KCNK9: variants seen among roughly 807,000 people sequenced by gnomAD.
KCNK9 encodes the protein potassium channel subfamily K member 9.
In KCNK9, 1 loss-of-function variant was observed where a neutral mutation model predicts 10.8. The observed-to-expected ratio is 0.09, with a 90% CI of 0.03 to 0.44. KCNK9 has a LOEUF of 0.44. Among genes scored for constraint, KCNK9 ranks in the 20% least tolerant of loss-of-function variants. The pLI, the probability that KCNK9 is intolerant of heterozygous loss-of-function variation, is 0.97. For missense variants in KCNK9, 303 were observed against 515.0 expected, an observed-to-expected ratio of 0.59 and a Z score of 3.98; for synonymous variants, 231 against 222.7, an observed-to-expected ratio of 1.04 and a Z score of -0.33.
intron 1 of KCNK9, among the ~76,000 whole-genome samples, chr8:139,690,606 GAT>G (rs3837201): frequency 0.061 from 9,216 of 152,258 alleles, 349 homozygotes; most frequent in South Asian, 0.14. Flanking sequence ...GAGTTCTCTT[GAT>G]ATTGTCAGGT....
At chr8:139,673,163 A>T (rs976186319) in intron 1 of KCNK9, among the ~76,000 whole-genome samples, 2 of 151,864 alleles carry the variant, frequency 1.3e-5, no homozygotes, top group East Asian at 3.9e-4. Flanking sequence ...TGTGTGATAG[A>T]GACAGAAAGT....
intron 1 of KCNK9, among the ~76,000 whole-genome samples, chr8:139,643,600 C>T (rs1240129738): frequency 1.3e-5 from 2 of 152,198 alleles, no homozygotes; most frequent in Non-Finnish European, 2.9e-5. Flanking sequence ...GATGCCGGCC[C>T]TCAGCAGGGC....
chr8:139,674,247 G>A (rs897749077), intron 1 of KCNK9, among the ~76,000 whole-genome samples: 2 of 152,180 alleles, frequency 1.3e-5, no homozygotes, highest in African/African-American at 4.8e-5. Flanking sequence ...GAAGAGGAAG[G>A]CGATGACCTC....
At chr8:139,643,458 G>A (rs1359670420) in intron 1 of KCNK9, among the ~76,000 whole-genome samples, 1 of 152,236 alleles carries the variant, frequency 6.6e-6, no homozygotes, top group Non-Finnish European at 1.5e-5. Context: ...GACTCACTGG[G>A]GAAGGGGCTG....
At chr8:139,632,289 C>T (rs1401837390) in intron 1 of KCNK9, among the ~76,000 whole-genome samples, 1 of 152,190 alleles carries the variant, frequency 6.6e-6, no homozygotes, top group African/African-American at 2.4e-5. Flanking sequence ...CTGTGGGGTG[C>T]CCCAGGCCTT....
intron 1 of KCNK9, among the ~76,000 whole-genome samples, chr8:139,688,284 A>G (rs747700890): frequency 6.6e-6 from 1 of 152,350 alleles, no homozygotes; most frequent in Non-Finnish European, 1.5e-5. Flanking sequence ...TCACACTGCT[A>G]TAAAGAAATA....
chr8:139,623,190 C>T (rs569365217), intron 1 of KCNK9, among the ~76,000 whole-genome samples: 93 of 152,340 alleles, frequency 6.1e-4, no homozygotes, highest in Non-Finnish European at 1.1e-3. Flanking sequence ...CCTCTAAGCT[C>T]TTCCCAAGAG....
chr8:139,685,326 G>T (rs548939868), intron 1 of KCNK9, among the ~76,000 whole-genome samples: 2 of 151,418 alleles, frequency 1.3e-5, no homozygotes, highest in African/African-American at 4.9e-5. Context: ...GTACATGTGC[G>T]CAACGTGCAG....
chr8:139,670,286 A>G (rs941481004), intron 1 of KCNK9, among the ~76,000 whole-genome samples: 6 of 152,206 alleles, frequency 3.9e-5, no homozygotes, highest in Non-Finnish European at 7.3e-5. Flanking sequence ...TTTAATAAAT[A>G]ATGAAAAAGT....
chr8:139,666,050 G>C (rs757407225), intron 1 of KCNK9, among the ~76,000 whole-genome samples: 2 of 152,246 alleles, frequency 1.3e-5, no homozygotes, highest in Non-Finnish European at 2.9e-5. Context: ...GCTGTGTCTT[G>C]TAAGGGAAGA....
intron 1 of KCNK9, among the ~76,000 whole-genome samples, chr8:139,671,529 TA>T (rs757581314): frequency 0.23 from 30,557 of 134,316 alleles, 3,468 homozygotes; most frequent in South Asian, 0.3. Context: ...TTTTTTTTTT[TA>T]GATGGAGTCT....
intron 1 of KCNK9, among the ~76,000 whole-genome samples, chr8:139,634,145 G>T (rs921984625): frequency 1.3e-5 from 2 of 152,250 alleles, no homozygotes; most frequent in Non-Finnish European, 2.9e-5. Flanking sequence ...GAGTCAAGGA[G>T]CCCCTACTAC....
intron 1 of KCNK9, among the ~76,000 whole-genome samples, chr8:139,696,632 G>A (rs1218542625): frequency 5.3e-5 from 8 of 152,188 alleles, no homozygotes; most frequent in Non-Finnish European, 1.0e-4. Flanking sequence ...AGTACACAGA[G>A]GAGGGAGGGA....
intron 1 of KCNK9, among the ~76,000 whole-genome samples, chr8:139,662,873 A>C (rs953131233): frequency 3.2e-4 from 4 of 12,412 alleles, no homozygotes; most frequent in African/African-American, 1.1e-3. Flanking sequence ...GGGTGGGGGA[A>C]GGGGGGGGGG....
chr8:139,691,071 C>T (rs1282721803), intron 1 of KCNK9, among the ~76,000 whole-genome samples: 14 of 152,362 alleles, frequency 9.2e-5, no homozygotes, highest in East Asian at 7.7e-4. Flanking sequence ...CAATCACACA[C>T]GGCACCCTTC....
Position 139,618,075 on chromosome 8 carries a change from C to A in KCNK9, c.*183G>T. ...AGGATGGGCCTGTATTTCCCTTTGG[C>A]CTGCTCTGTCTGGCTGGAAAGGTGG... is the stretch of plus-strand genomic sequence containing the variant. On this transcript the variant is annotated 3_prime_UTR_variant, in exon 2 of 2. Transcript: ENST00000520439. The surrounding 1 kb of genome is among the most constrained non-coding windows in gnomAD (Gnocchi z 7.9). The A allele has an allele frequency of 1.3e-6, 1 of 765,686 alleles. No homozygotes were observed. Among genetic ancestry groups the A allele is most frequent in the South Asian group, 1.8e-5 (1 of 54,084 alleles). The allele number at this position is 765,686 out of a possible 1,614,324, so 47.4% of individuals were successfully genotyped here.
At chr8:139,684,098 C>A (rs1054388684) in intron 1 of KCNK9, among the ~76,000 whole-genome samples, 37 of 152,168 alleles carry the variant, frequency 2.4e-4, no homozygotes, top group African/African-American at 8.9e-4. Flanking sequence ...GACAGTGTCC[C>A]CAGAGACCAC....
At position 139,702,913 on chromosome 8, in the gene KCNK9, T is replaced by G; in HGVS notation, c.80A>C (p.Asp27Ala). The G allele has an allele frequency of 6.2e-7, 1 of 1,613,068 alleles. No individual in the cohort carries two copies. Among genetic ancestry groups the G allele is most frequent in the Non-Finnish European group, 8.5e-7 (1 of 1,179,796 alleles). Residue 27 changes from aspartate to alanine, a missense_variant, in exon 1 of 2, where the codon GAC becomes GCC. Physicochemically the swap from Asp to Ala is moderately radical, Grantham distance 126. Coordinates refer to ENST00000520439, the MANE Select transcript of KCNK9 (RefSeq NM_001282534.2). This position sits in a 1 kb window ranked among gnomAD's most constrained non-coding sequence, Gnocchi z 7.5. ...TYLLVGAAVF[D>A]ALESDHEMRE... ...CATCTCGTGGTCCGACTCGAGGGCG[T>G]CGAACACGGCGGCGCCCACCAGCAG...
chr8:139,609,780 T>C (rs910475990), downstream of KCNK9, among the ~76,000 whole-genome samples: 2 of 152,130 alleles, frequency 1.3e-5, no homozygotes, highest in South Asian at 2.1e-4. Context: ...ACAGAGGGTG[T>C]TGGGGGAGGT....
Sources: allele counts gnomAD v4.1 joint callset (sites outside exome capture counted in the v4.1 genomes callset), GRCh38; gene constraint gnomAD v4.1.1; non-coding constraint Gnocchi (gnomAD v3.1); transcripts MANE v1.5; gene names NCBI Gene and HGNC (gene_info 2026-07-23, HGNC 2026-07-21).